The following MED13 variants were observed in gnomAD, a reference collection of about 807,000 sequenced individuals.
The protein encoded by MED13 is mediator complex subunit 13, also known as mediator of RNA polymerase II transcription subunit 13.
In MED13, 23 loss-of-function variants were observed where a neutral mutation model predicts 225.2. The ratio of observed to expected loss-of-function variants is 0.10; its 90% CI spans 0.07 to 0.14. The LOEUF is 0.14. MED13 is among the 10% of genes least tolerant of loss of function. The pLI is 1.00. For synonymous variants in MED13, 942 were observed against 889.2 expected, an observed-to-expected ratio of 1.06 and a Z score of -1.06; for missense variants, 2,197 against 2,594.5, an observed-to-expected ratio of 0.85 and a Z score of 3.33.
chr17:62,019,387 A>G (rs1489842201), intron 8 of MED13, among the ~76,000 whole-genome samples: 1 of 132,834 alleles, frequency 7.5e-6, no homozygotes, highest in Non-Finnish European at 1.7e-5. Flanking sequence ...TCTAAAATAT[A>G]AATAGATGTA....
At chr17:61,949,958 C>G (rs2079883118) in intron 28 of MED13, among the ~76,000 whole-genome samples, 1 of 152,174 alleles carries the variant, frequency 6.6e-6, no homozygotes. Flanking sequence ...GCTGGGATTA[C>G]AGGCATGAGC....
chr17:62,001,620 A>G (rs115918373), intron 9 of MED13, among the ~76,000 whole-genome samples: 8 of 152,212 alleles, frequency 5.3e-5, no homozygotes, highest in African/African-American at 1.9e-4. Flanking sequence ...ATGACACACC[A>G]AACTACTAAG....
In MED13 at chr17:61,946,674, G is replaced by T. The variant is rs552280269; in HGVS notation, c.6393-74C>A. 14 of 1,549,664 alleles carry T rather than the reference G, an allele frequency of 9.0e-6. No homozygotes were observed. In the East Asian group the frequency reaches 3.2e-4, roughly 35 times the overall value. On this transcript the variant is annotated intron_variant, in intron 29 of 29. Transcript: ENST00000397786. ...ATTTTGGAAGCAGTTTTCAATTATG[G>T]CATTTAAGACTCAAAGTCACCTTAA...
chr17:62,062,756 ACT>A (rs1017248546), intron 2 of MED13, among the ~76,000 whole-genome samples: 8 of 152,024 alleles, frequency 5.3e-5, no homozygotes, highest in Admixed American at 2.0e-4. Context: ...TTTGTTAGGA[ACT>A]CTGTTTCCTG....
At position 62,033,950 on chromosome 17, in the gene MED13, G is replaced by T; in HGVS notation, c.651C>A (p.Leu217=). 1.9e-6 allele frequency: 3 copies of T among 1,614,042 alleles called. No homozygotes were observed. Among genetic ancestry groups the T allele is most frequent in the Non-Finnish European group, 2.5e-6 (3 of 1,179,994 alleles). The change falls in exon 5 of 30, where the codon CTC becomes CTA. Residue 217 remains leucine, a synonymous_variant. Coordinates refer to ENST00000397786, the MANE Select transcript of MED13 (RefSeq NM_005121.3). Reference sequence around the variant, plus strand: ...CAGACATCTTGAATGCCTGTCCTGTGAGAGTGCCATTTAGTCCAAATGGGC... The same window carrying T: ...CAGACATCTTGAATGCCTGTCCTGTTAGAGTGCCATTTAGTCCAAATGGGC... ...ILCPFGLNGT[L]TGQAFKMSDS...
rs1269216918 is a variant in MED13 at position 62,033,942 on chromosome 17, T to C, written c.659A>G (p.Gln220Arg). ...AGCTGAATCAGACATCTTGAATGCC[T>C]GTCCTGTGAGAGTGCCATTTAGTCC... ...PFGLNGTLTG[Q>R]AFKMSDSATK... The change falls in exon 5 of 30, where the codon CAG becomes CGG. Residue 220 changes from glutamine to arginine, a missense_variant. Physicochemically the swap from Gln to Arg is conservative, Grantham distance 43 (BLOSUM62 1). Coordinates refer to ENST00000397786, the MANE Select transcript of MED13 (RefSeq NM_005121.3). 4.3e-6 allele frequency: 7 copies of C among 1,614,010 alleles called. No individual in the cohort carries two copies. Among genetic ancestry groups the C allele is most frequent in the Non-Finnish European group, 5.1e-6 (6 of 1,180,030 alleles).
rs531506144 is a variant in MED13 at position 61,982,315 on chromosome 17, T to G, written c.3688A>C (p.Asn1230His). The change falls in exon 16 of 30, where the codon AAT becomes CAT. Residue 1230 changes from asparagine to histidine, a missense_variant. This residue lies in a region of MED13 where 203 missense variants were observed against 209.7 expected (regional missense o/e 0.97). Transcript: ENST00000397786. ...TGTTCTAATGCAAGGTAGCAGTCAT[T>G]GCAACAGTCACGCTCTTCAACACGT... ...WVRVEERDCCNDCYLALEHGR... is the reference protein window; with the variant it reads ...WVRVEERDCCHDCYLALEHGR... The G allele has an allele frequency of 1.9e-6, 3 of 1,614,228 alleles. No individual in the cohort carries two copies. Among genetic ancestry groups the G allele is most frequent in the East Asian group, 2.2e-5 (1 of 44,890 alleles).
rs1169558536 is a variant in MED13 at position 61,981,740 on chromosome 17, C to A, written c.3805+458G>T. On this transcript the variant is annotated intron_variant, in intron 16 of 29. Coordinates refer to ENST00000397786, the MANE Select transcript of MED13 (RefSeq NM_005121.3). ...GTTCTGTTTTACTCTGCTTTTCCTC[C>A]AAATTACTTCTTACTATCTATTATA... 2.0e-5 allele frequency among the ~76,000 whole-genome samples: 3 copies of A among 152,260 alleles called. No homozygotes were observed. The East Asian group carries it at 5.8e-4, about 29-fold the overall frequency.
At chr17:62,032,436 T>G (rs1038462139) in intron 5 of MED13, 1 of 147,498 alleles carries the variant, frequency 6.8e-6, no homozygotes, top group East Asian at 2.0e-4. Context: ...ATCACGCCAT[T>G]GCACTCCAGC....
At chr17:62,012,000 T>C (rs2080514008) in intron 8 of MED13, among the ~76,000 whole-genome samples, 1 of 152,094 alleles carries the variant, frequency 6.6e-6, no homozygotes, top group African/African-American at 2.4e-5. Flanking sequence ...GCGGATCACC[T>C]GAGGTGAGGA....
intron 2 of MED13, among the ~76,000 whole-genome samples, chr17:62,055,934 G>C (rs926091122): frequency 1.3e-5 from 2 of 152,262 alleles, no homozygotes; most frequent in Admixed American, 1.3e-4. Flanking sequence ...TATGTCCCCA[G>C]TGCCCACAAT....
In MED13 at chr17:62,065,100, C is replaced by T. The variant is rs780809855; in HGVS notation, c.66+40G>A. 3 of 1,506,878 alleles carry T rather than the reference C, an allele frequency of 2.0e-6. 1 individual carries two copies. In the South Asian group the frequency reaches 3.7e-5, roughly 19 times the overall value. The allele number at this position is 1,506,878 out of a possible 1,614,324, so 93.3% of individuals were successfully genotyped here. A position where few individuals can be genotyped will look rare whatever the true frequency, so the allele number is the denominator to read the frequency against. On this transcript the variant is annotated intron_variant, in intron 1 of 29. Transcript: ENST00000397786. The stretch of plus-strand genomic sequence containing the variant: ...CCCCACGGCCCAAGGGCGCACCTCG[C>T]GGCCCCCCTCCCTCGGCGCCCGCCG...
At chr17:62,034,716 C>T (rs1015190993) in intron 4 of MED13, among the ~76,000 whole-genome samples, 6 of 152,144 alleles carry the variant, frequency 3.9e-5, no homozygotes, top group Admixed American at 2.0e-4. Flanking sequence ...TAAGAACACA[C>T]TGCCAAGCCT....
In MED13 at chr17:62,065,249, G is replaced by A. The variant is rs779554318; in HGVS notation, c.-44C>T. On this transcript the variant is annotated 5_prime_UTR_variant, in exon 1 of 30. Coordinates refer to ENST00000397786, the MANE Select transcript of MED13 (RefSeq NM_005121.3). ...CCGCCGGCGCCACAACCCACCATCCGCCATTACCGCCGCCTCCGACCAGAG... is the reference window on the plus strand; with the variant it reads ...CCGCCGGCGCCACAACCCACCATCCACCATTACCGCCGCCTCCGACCAGAG... 21 of 1,257,558 alleles carry A rather than the reference G, an allele frequency of 1.7e-5. No individual in the cohort carries two copies. The highest frequency in any genetic ancestry group is 6.0e-5 in the East Asian group (1 of 16,614). The allele number at this position is 1,257,558 out of a possible 1,614,324, so 77.9% of individuals were successfully genotyped here.
At chr17:62,063,992 A>C (rs2081061992) in intron 1 of MED13, among the ~76,000 whole-genome samples, 1 of 152,238 alleles carries the variant, frequency 6.6e-6, no homozygotes, top group Non-Finnish European at 1.5e-5. Flanking sequence ...TAGAGTATTA[A>C]AGATCTCAAT....
At chr17:62,051,061 T>C (rs1209631000) in intron 3 of MED13, among the ~76,000 whole-genome samples, 1 of 152,196 alleles carries the variant, frequency 6.6e-6, no homozygotes, top group Non-Finnish European at 1.5e-5. Context: ...CCAATATCCA[T>C]TTCCACTTCT....
At chr17:62,050,966 C>T (rs1277081056) in intron 3 of MED13, among the ~76,000 whole-genome samples, 4 of 152,066 alleles carry the variant, frequency 2.6e-5, no homozygotes, top group African/African-American at 4.8e-5. Flanking sequence ...GATTGCACCA[C>T]TGCACTCCAG....
chr17:62,053,782 A>G (rs2080975351), intron 2 of MED13, among the ~76,000 whole-genome samples: 2 of 152,214 alleles, frequency 1.3e-5, no homozygotes, highest in South Asian at 4.1e-4. Context: ...AAACAGACAC[A>G]ATATGAGCTT....
intron 9 of MED13, chr17:62,005,731 T>G (rs540085268): frequency 6.6e-5 from 10 of 152,246 alleles, no homozygotes; most frequent in Non-Finnish European, 1.3e-4. Flanking sequence ...TTACTATTAT[T>G]TTTTAAGAGA....
Sources: gnomAD v4.1 joint callset for allele counts (sites outside exome capture counted in the v4.1 genomes callset) on GRCh38, gnomAD v4.1.1 for gene constraint, gnomAD v4.1.1 regional missense constraint, MANE v1.5 for transcripts, NCBI Gene and HGNC (gene_info 2026-07-23, HGNC 2026-07-21) for gene names.